PXDN: variants seen among roughly 807,000 people sequenced by gnomAD.
PXDN encodes the protein peroxidasin.
A neutral mutation model predicts 140.3 loss-of-function variants in PXDN; 77 were observed. That is an observed-to-expected ratio of 0.55 (90% CI 0.46 to 0.66). The LOEUF is 0.66. Among genes scored for constraint, PXDN ranks in the 30% least tolerant of loss-of-function variants. The probability of loss-of-function intolerance (pLI) is 0.00; values close to 1 mark genes in which losing one functional copy is unlikely to be tolerated. For synonymous variants in PXDN, 911 were observed against 857.4 expected (o/e 1.06, Z -1.09); for missense variants, 1,838 against 2,039.5 (o/e 0.90, Z 1.90).
At position 1,691,941 on chromosome 2, in the gene PXDN, T is replaced by A. The variant is rs1279738636; in HGVS notation, c.331A>T (p.Asn111Tyr). The A allele has an allele frequency of 6.6e-7, 1 of 1,506,460 alleles. No individual in the cohort carries two copies. The highest frequency in any genetic ancestry group is 1.4e-5 in the African/African-American group (1 of 71,580). The allele number at this position is 1,506,460 out of a possible 1,614,324, so 93.3% of individuals were successfully genotyped here. ...TCATTAACTTACAGATATTTTAAAT[T>A]TTCCAAGTCTTCAAATGCTCCACTA... is the stretch of plus-strand genomic sequence containing the variant. The part of the protein sequence containing the change: ...IPSGAFEDLE[N>Y]LKYLYLYKNE... The change falls in exon 3 of 23, where the codon AAT (asparagine) becomes TAT (tyrosine). Residue 111 changes from asparagine (N) to tyrosine (Y), a missense_variant. Physicochemically the swap from Asn to Tyr is moderately radical, Grantham distance 143. Coordinates refer to ENST00000252804, the MANE Select transcript of PXDN (RefSeq NM_012293.3).
Position 1,660,933 on chromosome 2 carries a change from C to T in PXDN, c.1785G>A (p.Val595=). Residue 595 remains valine (V), a synonymous_variant, in exon 14 of 23, where the codon GTG becomes GTA. Coordinates refer to ENST00000252804, the MANE Select transcript of PXDN (RefSeq NM_012293.3). The surrounding 1 kb of genome is among the most constrained non-coding windows in gnomAD (Gnocchi z 4.6). The part of the protein sequence containing the change: ...GPADAGRYEC[V]ARNTIGSASV... ...AGGCCGACCCAATGGTGTTCCGGGC[C>T]ACACACTCATAGCGACCTGCGTCTG... 4 of 1,613,946 alleles carry T rather than the reference C, an allele frequency of 2.5e-6. No homozygotes were observed. The South Asian group carries it at 4.4e-5, about 18-fold the overall frequency.
intron 9 of PXDN, among the ~76,000 whole-genome samples, chr2:1,670,549 T>C (rs1433885848): frequency 6.6e-6 from 1 of 152,194 alleles, no homozygotes; most frequent in East Asian, 1.9e-4. Flanking sequence ...TAATCAAATA[T>C]TTAAGTATAA....
intron 1 of PXDN, among the ~76,000 whole-genome samples, chr2:1,720,013 T>C (rs57060125): frequency 8.5e-4 from 3 of 3,544 alleles, no homozygotes; most frequent in Admixed American, 5.7e-3. Flanking sequence ...GGGAGGGATG[T>C]AGAGAGAGAG....
intron 1 of PXDN, among the ~76,000 whole-genome samples, chr2:1,718,139 C>G (rs373894635): frequency 6.6e-6 from 1 of 152,094 alleles, no homozygotes; most frequent in Admixed American, 6.5e-5. Context: ...CTAACCTACT[C>G]TGCTAACCGA....
chr2:1,666,411 G>A lies in PXDN; in HGVS notation c.1094C>T (p.Ala365Val). The A allele has an allele frequency of 8.7e-6, 14 of 1,613,830 alleles. No individual in the cohort carries two copies. The highest frequency in any genetic ancestry group is 1.1e-5 in the Non-Finnish European group (13 of 1,179,852). The change falls in exon 10 of 23, where the codon GCC (alanine) becomes GTC (valine). Residue 365 changes from alanine to valine, a missense_variant. Around this residue, in one of 5 missense-constraint regions of PXDN, gnomAD observed 208 missense variants for 325.8 expected, o/e 0.64. Coordinates refer to ENST00000252804, the MANE Select transcript of PXDN (RefSeq NM_012293.3). ...GATCCGCGGCGGGGGGTGGCCTGTG[G>A]CGCTGCACTCCAGCGTGACGCTCTC... is the stretch of plus-strand genomic sequence containing the variant. ...VGESVTLECS[A>V]TGHPPPRISW...
Position 1,714,292 on chromosome 2 carries a change from C to A in PXDN, c.201-21158G>T. ...GCCCAGGTCAAGCCCTCCAAAACCC[C>A]AGGAGCCACTCTTGGGAAGGTTCCC... On this transcript the variant is annotated intron_variant, in intron 1 of 22. Coordinates refer to ENST00000252804, the MANE Select transcript of PXDN (RefSeq NM_012293.3). This position sits in a 1 kb window ranked among gnomAD's most constrained non-coding sequence, Gnocchi z 4.3. 6.6e-6 allele frequency among the ~76,000 whole-genome samples: 1 copy of A among 152,186 alleles called. No individual in the cohort carries two copies. The highest frequency in any genetic ancestry group is 1.9e-4 in the East Asian group (1 of 5,180).
chr2:1,675,675 C>CCA (rs1407399498), intron 8 of PXDN, among the ~76,000 whole-genome samples: 1 of 152,176 alleles, frequency 6.6e-6, no homozygotes, highest in Non-Finnish European at 1.5e-5. Flanking sequence ...CTGGGGATGG[C>CCA]CAGCTCCCTG....
At position 1,648,956 on chromosome 2, in the gene PXDN, G is replaced by A. The variant is rs2125411312; in HGVS notation, c.2824C>T (p.Gln942Ter). The A allele has an allele frequency of 2.5e-6, 4 of 1,606,146 alleles. No homozygotes were observed. Among genetic ancestry groups the A allele is most frequent in the Admixed American group, 1.7e-5 (1 of 59,764 alleles). ...GGGAGCAGCGGCTTCCCGGACCGCT[G>A]CACGATGCCCTGCCGCAGCAGGCCG... ...HRGLLRQGIV[Q>*]RSGKPLLPFA... The change falls in exon 17 of 23, where the codon CAG (glutamine) becomes TAG (stop). Residue 942 changes from glutamine to a stop codon, truncating the protein, a stop_gained. Transcript: ENST00000252804. LOFTEE classifies it high-confidence loss of function. This position sits in a 1 kb window ranked among gnomAD's most constrained non-coding sequence, Gnocchi z 8.9.
Position 1,678,855 on chromosome 2 carries a change from C to T in PXDN, c.730+1338G>A, listed in dbSNP as rs558555591. On this transcript the variant is annotated intron_variant, in intron 7 of 22. Coordinates refer to ENST00000252804, the MANE Select transcript of PXDN (RefSeq NM_012293.3). ...GGGGTGGGGAAGCAGCGCAGGCAGGCGGCTGCACAGGGGTCTGGGCCTCTC... is the reference window on the plus strand; with the variant it reads ...GGGGTGGGGAAGCAGCGCAGGCAGGTGGCTGCACAGGGGTCTGGGCCTCTC... Among the ~76,000 whole-genome samples the T allele has an allele frequency of 7.9e-5, 12 of 152,238 alleles. No homozygotes were observed. The South Asian group carries it at 1.0e-3, about 13-fold the overall frequency.
At chr2:1,719,922 CAG>C (rs1443657685) in intron 1 of PXDN, among the ~76,000 whole-genome samples, 3 of 42,788 alleles carry the variant, frequency 7.0e-5, no homozygotes, top group African/African-American at 1.8e-4. Flanking sequence ...GGGAGGGATG[CAG>C]AGAGGGAGAG....
chr2:1,732,881 C>T (rs1685344170), intron 1 of PXDN, among the ~76,000 whole-genome samples: 1 of 152,198 alleles, frequency 6.6e-6, no homozygotes, highest in African/African-American at 2.4e-5. Context: ...AAGTTCAAAA[C>T]ACCAAGTAGT....
At chr2:1,636,361 T>A (rs1400161327) in intron 21 of PXDN, 4 of 152,440 alleles carry the variant, frequency 2.6e-5, no homozygotes, top group African/African-American at 9.7e-5. Context: ...TGGCTGTGAA[T>A]AACTTCAGCA....
intron 1 of PXDN, among the ~76,000 whole-genome samples, chr2:1,695,422 C>A (rs1572166570): frequency 7.8e-6 from 1 of 127,840 alleles, no homozygotes; most frequent in Non-Finnish European, 1.7e-5. Context: ...CATCCACAGG[C>A]CCCTGTGCCC....
intron 6 of PXDN, among the ~76,000 whole-genome samples, chr2:1,683,295 C>T (rs1200384634): frequency 1.3e-4 from 20 of 151,500 alleles, no homozygotes; most frequent in South Asian, 2.1e-4. Context: ...GTGGCATGTG[C>T]CTATAGTCCC....
At chr2:1,698,572 T>C (rs541051313) in intron 1 of PXDN, among the ~76,000 whole-genome samples, 308 of 152,254 alleles carry the variant, frequency 2.0e-3, no homozygotes, top group Non-Finnish European at 3.2e-3. Flanking sequence ...AAAGATCAGG[T>C]AATTTGTCTA....
At chr2:1,653,505 C>T (rs753977540) in intron 16 of PXDN, 123 bp downstream of exon 16, 94 of 1,340,994 alleles carry the variant, frequency 7.0e-5, no homozygotes, top group African/African-American at 1.5e-5. Context: ...AATAATTTCA[C>T]AGTTCATAAG....
chr2:1,692,970 C>T, intron 2 of PXDN, 93 bp downstream of exon 2: 1 of 1,234,136 alleles, frequency 8.1e-7, no homozygotes, highest in Non-Finnish European at 1.1e-6. Context: ...CCCACCCAAG[C>T]CCACTGATTG....
At chr2:1,635,340 A>T (rs753408700) in intron 22 of PXDN, 68 bp downstream of exon 22, 15 of 1,367,538 alleles carry the variant, frequency 1.1e-5, no homozygotes, top group East Asian at 5.0e-5. Flanking sequence ...CACCCACCTG[A>T]GTGGTCACAT....
At chr2:1,698,894 C>T (rs1195373248) in intron 1 of PXDN, among the ~76,000 whole-genome samples, 5 of 152,306 alleles carry the variant, frequency 3.3e-5, no homozygotes, top group Admixed American at 6.5e-5. Context: ...AACACAGATT[C>T]ATTTACATTT....
Sources: gnomAD v4.1 joint callset for allele counts (sites outside exome capture counted in the v4.1 genomes callset) on GRCh38, gnomAD v4.1.1 for gene constraint, gnomAD v4.1.1 regional missense constraint, Gnocchi (gnomAD v3.1) non-coding constraint, MANE v1.5 for transcripts, NCBI Gene and HGNC (gene_info 2026-07-23, HGNC 2026-07-21) for gene names.